AOPEP: variants seen among roughly 807,000 people sequenced by gnomAD.
AOPEP encodes the protein aminopeptidase O.
A neutral mutation model predicts 98.1 loss-of-function variants in AOPEP; 77 were observed. The observed-to-expected ratio is 0.78, with a 90% CI of 0.65 to 0.95. The LOEUF (loss-of-function observed/expected upper bound fraction) is 0.95. Among genes scored for constraint, AOPEP ranks in the 40% least tolerant of loss-of-function variants. AOPEP has a pLI of 0.00. For missense variants in AOPEP, 1,024 were observed against 1,024.7 expected, an observed-to-expected ratio of 1.00 and a Z score of 0.01; for synonymous variants, 346 against 365.3, an observed-to-expected ratio of 0.95 and a Z score of 0.60.
the AOPEP span, among the ~76,000 whole-genome samples, chr9:95,137,964 G>A: frequency 1.3e-5 from 2 of 152,266 alleles, no homozygotes; most frequent in African/African-American, 4.8e-5. Flanking sequence ...TGGCGGTAAC[G>A]GGAGTGATCC....
chr9:94,927,370 G>T (rs1038616092), intron 6 of AOPEP, among the ~76,000 whole-genome samples: 3 of 152,194 alleles, frequency 2.0e-5, no homozygotes, highest in African/African-American at 7.2e-5. Flanking sequence ...CAGGCACATG[G>T]GGTCTGAGGA....
intron 5 of AOPEP, among the ~76,000 whole-genome samples, chr9:94,806,558 T>TC (rs1013656676): frequency 5.9e-5 from 9 of 152,346 alleles, no homozygotes; most frequent in African/African-American, 1.9e-4. Flanking sequence ...CATGTGTGCT[T>TC]CCCCTTTGTT....
intron 14 of AOPEP, among the ~76,000 whole-genome samples, chr9:95,074,180 C>T (rs2068803757): frequency 6.6e-6 from 1 of 152,090 alleles, no homozygotes; most frequent in Non-Finnish European, 1.5e-5. Context: ...CTTGGGCCTC[C>T]TAGGTGGCTC....
chr9:94,738,401 C>A (rs1320015860), intron 1 of AOPEP, among the ~76,000 whole-genome samples: 1 of 152,072 alleles, frequency 6.6e-6, no homozygotes, highest in African/African-American at 2.4e-5. Context: ...CTGCCTTGTT[C>A]CTGGCCTCTG....
chr9:95,101,501 A>G, the AOPEP span: 101 of 636,036 alleles, frequency 1.6e-4, no homozygotes, highest in East Asian at 2.8e-3. Flanking sequence ...ATTAGTGAAC[A>G]TGTCTGACTG....
intron 13 of AOPEP, among the ~76,000 whole-genome samples, chr9:95,050,050 G>A (rs1034623998): frequency 6.6e-6 from 1 of 152,166 alleles, no homozygotes; most frequent in African/African-American, 2.4e-5. Flanking sequence ...GTAAAGTGAC[G>A]TTTTGCCATA....
intron 15 of AOPEP, 91 bp downstream of exon 15, chr9:95,080,871 C>A: frequency 1.1e-6 from 1 of 890,818 alleles, no homozygotes; most frequent in Non-Finnish European, 1.9e-6. Context: ...TCTTTCATAA[C>A]AAATAATTAA....
chr9:95,108,916 T>C, the AOPEP span, among the ~76,000 whole-genome samples: 2 of 152,054 alleles, frequency 1.3e-5, no homozygotes, highest in African/African-American at 4.8e-5. Flanking sequence ...GACCTTTTTT[T>C]TTTTTTGGAG....
At chr9:94,903,282 C>G (rs1472559446) in intron 5 of AOPEP, among the ~76,000 whole-genome samples, 1 of 151,948 alleles carries the variant, frequency 6.6e-6, no homozygotes, top group African/African-American at 2.4e-5. Flanking sequence ...CATGCCTGGC[C>G]TTAAAACCTT....
At chr9:95,148,845 C>T in the AOPEP span, among the ~76,000 whole-genome samples, 2 of 152,134 alleles carry the variant, frequency 1.3e-5, no homozygotes, top group Admixed American at 6.5e-5. Context: ...AAAAAATGAC[C>T]ATTTTCAAAT....
the AOPEP span, among the ~76,000 whole-genome samples, chr9:95,131,947 T>C: frequency 6.6e-6 from 1 of 152,256 alleles, no homozygotes; most frequent in Non-Finnish European, 1.5e-5. Flanking sequence ...CTGAGGTATC[T>C]AGATGCTTTT....
chr9:95,085,740 C>T (rs1433682217), intron 16 of AOPEP, among the ~76,000 whole-genome samples: 5 of 152,204 alleles, frequency 3.3e-5, no homozygotes, highest in Non-Finnish European at 7.3e-5. Flanking sequence ...ATGCACTAAT[C>T]GGACATCTGT....
At chr9:95,138,511 G>C in the AOPEP span, among the ~76,000 whole-genome samples, 1 of 152,228 alleles carries the variant, frequency 6.6e-6, no homozygotes. Context: ...GAATAGGAGA[G>C]TTCGCCTCTC....
At chr9:94,737,056 A>T (rs1831929959) in intron 1 of AOPEP, among the ~76,000 whole-genome samples, 1 of 152,136 alleles carries the variant, frequency 6.6e-6, no homozygotes, top group South Asian at 2.1e-4. Context: ...GAGTGAAAGG[A>T]TATGTCAACA....
chr9:94,759,825 C>T lies in AOPEP; in HGVS notation c.42C>T (p.Leu14=), dbSNP rs776085221. 2 of 1,614,038 alleles carry T rather than the reference C, an allele frequency of 1.2e-6. No individual in the cohort carries two copies. The highest frequency in any genetic ancestry group is 2.2e-5 in the East Asian group (1 of 44,890). The change falls in exon 2 of 17, where the codon CTC becomes CTT. Residue 14 remains leucine (L), a synonymous_variant. Coordinates refer to ENST00000375315, the MANE Select transcript of AOPEP (RefSeq NM_001193329.3). Reference sequence around the variant, plus strand: ...ACCCTGCCAGAGATGACCTGCCTCTCATGGCCAACACCAGCCACATACTTG... The same window carrying T: ...ACCCTGCCAGAGATGACCTGCCTCTTATGGCCAACACCAGCCACATACTTG... ...QLDPARDDLP[L]MANTSHILVK... is the part of the protein sequence containing the mutation.
chr9:94,940,803 C>T (rs935176939), intron 7 of AOPEP, among the ~76,000 whole-genome samples: 2 of 152,066 alleles, frequency 1.3e-5, no homozygotes, highest in African/African-American at 4.8e-5. Flanking sequence ...CCTGGCTCGT[C>T]CCCTCATGTC....
At chr9:95,073,924 A>G (rs903784071) in intron 14 of AOPEP, among the ~76,000 whole-genome samples, 1 of 152,246 alleles carries the variant, frequency 6.6e-6, no homozygotes, top group African/African-American at 2.4e-5. Context: ...AGTGTTGGGA[A>G]ATAACACTTT....
intron 5 of AOPEP, among the ~76,000 whole-genome samples, chr9:94,842,334 T>G (rs1485216094): frequency 6.6e-6 from 1 of 151,964 alleles, no homozygotes; most frequent in Non-Finnish European, 1.5e-5. Context: ...TTACTCCAGC[T>G]TGGGGGACAA....
At chr9:94,971,903 C>T (rs960431613) in intron 10 of AOPEP, among the ~76,000 whole-genome samples, 2 of 152,224 alleles carry the variant, frequency 1.3e-5, no homozygotes, top group African/African-American at 2.4e-5. Flanking sequence ...GTCCATCAGT[C>T]CCAGCTCTGA....
Sources: gnomAD v4.1 joint callset for allele counts (sites outside exome capture counted in the v4.1 genomes callset) on GRCh38, gnomAD v4.1.1 for gene constraint, MANE v1.5 for transcripts, NCBI Gene and HGNC (gene_info 2026-07-23, HGNC 2026-07-21) for gene names.